C2orf69: variants seen among roughly 807,000 people sequenced by gnomAD.
C2orf69 encodes the protein mitochondrial protein C2orf69.
A neutral mutation model predicts 29.5 loss-of-function variants in C2orf69; 19 were observed. That is an observed-to-expected ratio of 0.65 (90% CI 0.45 to 0.95). C2orf69 has a LOEUF of 0.95. C2orf69 is among the 40% of genes least tolerant of loss of function. C2orf69 has a pLI of 0.00. For synonymous variants in C2orf69, 194 were observed against 180.0 expected (o/e 1.08, Z -0.62); for missense variants, 416 against 482.1 (o/e 0.86, Z 1.28).
At position 199,911,347 on chromosome 2, in the gene C2orf69, T is replaced by C; in HGVS notation, c.-92T>C. ...CCGGCCGGGCCGCGGCCGCCGACCG[T>C]TGAGCCGCCGGCTGAGCCGCCTGCT... On this transcript the variant is annotated 5_prime_UTR_variant, in exon 1 of 2. Coordinates refer to ENST00000319974, the MANE Select transcript of C2orf69 (RefSeq NM_153689.6). 7.4e-7 allele frequency: 1 copy of C among 1,347,710 alleles called. No individual in the cohort carries two copies. Among genetic ancestry groups the C allele is most frequent in the Non-Finnish European group, 9.5e-7 (1 of 1,052,054 alleles). 83.5% of individuals were successfully genotyped at this position (1,347,710 alleles called of 1,614,324 possible). A position where few individuals can be genotyped will look rare whatever the true frequency, so the allele number is the denominator to read the frequency against.
At chr2:199,913,357 AAT>A (rs1396706823) in intron 1 of C2orf69, among the ~76,000 whole-genome samples, 1 of 63,008 alleles carries the variant, frequency 1.6e-5, no homozygotes, top group East Asian at 3.6e-4. Context: ...TATTATATAT[AAT>A]ATATTCTATT....
intron 1 of C2orf69, among the ~76,000 whole-genome samples, chr2:199,917,187 G>A (rs2077296275): frequency 1.3e-5 from 2 of 152,212 alleles, no homozygotes; most frequent in Admixed American, 6.5e-5. Flanking sequence ...CAAGTTTCAA[G>A]ACTGCACAAA....
intron 1 of C2orf69, among the ~76,000 whole-genome samples, chr2:199,920,995 G>A (rs1351661910): frequency 1.6e-5 from 2 of 127,882 alleles, no homozygotes; most frequent in African/African-American, 5.8e-5. Flanking sequence ...GGCCTTCTAG[G>A]AATTAGTTTT....
chr2:199,915,189 T>G (rs2077288654), intron 1 of C2orf69, among the ~76,000 whole-genome samples: 1 of 152,260 alleles, frequency 6.6e-6, no homozygotes, highest in Non-Finnish European at 1.5e-5. Flanking sequence ...GAGCCTAATA[T>G]CTATCCTTAT....
intron 1 of C2orf69, among the ~76,000 whole-genome samples, chr2:199,922,381 G>A (rs376434859): frequency 1.4e-4 from 21 of 152,124 alleles, no homozygotes; most frequent in African/African-American, 4.3e-4. Context: ...GGCGTGAACC[G>A]CCGCCCCCAG....
intron 1 of C2orf69, among the ~76,000 whole-genome samples, chr2:199,922,031 TTATATATATA>T (rs370430093): frequency 3.8e-5 from 3 of 78,970 alleles, no homozygotes; most frequent in African/African-American, 5.3e-5. Context: ...ACTGTTATTT[TTATATATATA>T]TATATATATA....
At chr2:199,913,409 T>G (rs1432170272) in intron 1 of C2orf69, among the ~76,000 whole-genome samples, 1 of 107,356 alleles carries the variant, frequency 9.3e-6, no homozygotes, top group Non-Finnish European at 1.7e-5. Flanking sequence ...TTATATATAA[T>G]ATATATTCTA....
intron 1 of C2orf69, among the ~76,000 whole-genome samples, chr2:199,924,801 T>A (rs1559295386): frequency 6.6e-6 from 1 of 152,212 alleles, no homozygotes; most frequent in African/African-American, 2.4e-5. Context: ...ATTAAATTTT[T>A]AAAAACTTTT....
In C2orf69 at chr2:199,925,372, T is replaced by C; in HGVS notation, c.644T>C (p.Ile215Thr). The change falls in exon 2 of 2, where the codon ATA becomes ACA. Residue 215 changes from isoleucine to threonine, a missense_variant. Transcript: ENST00000319974. This position sits in a 1 kb window ranked among gnomAD's most constrained non-coding sequence, Gnocchi z 4.9. ...TTGAATGTTTGGAATAAGGACTCCA[T>C]AGCATCTAACTGTAGATCCAGTCCT... ...KSLNVWNKDS[I>T]ASNCRSSPSH... 6.2e-7 allele frequency: 1 copy of C among 1,613,664 alleles called. No homozygotes were observed. Among genetic ancestry groups the C allele is most frequent in the Non-Finnish European group, 8.5e-7 (1 of 1,179,716 alleles).
intron 1 of C2orf69, among the ~76,000 whole-genome samples, chr2:199,920,749 G>T (rs1173671459): frequency 6.6e-6 from 1 of 151,796 alleles, no homozygotes; most frequent in Non-Finnish European, 1.5e-5. Flanking sequence ...GAGGTCAGGA[G>T]ATGGAGACCA....
chr2:199,922,532 T>C (rs543897874), intron 1 of C2orf69, among the ~76,000 whole-genome samples: 1 of 152,336 alleles, frequency 6.6e-6, no homozygotes, highest in Non-Finnish European at 1.5e-5. Flanking sequence ...TATTTATTTA[T>C]GCATATATGT....
intron 1 of C2orf69, among the ~76,000 whole-genome samples, chr2:199,921,177 T>C (rs112441121): frequency 6.6e-6 from 1 of 151,548 alleles, no homozygotes; most frequent in Admixed American, 6.6e-5. Flanking sequence ...TGGCTAATTT[T>C]TGTATTTTTA....
intron 1 of C2orf69, among the ~76,000 whole-genome samples, chr2:199,918,294 G>A (rs1203103522): frequency 6.6e-6 from 1 of 152,060 alleles, no homozygotes; most frequent in Non-Finnish European, 1.5e-5. Flanking sequence ...TCCATTTTGA[G>A]TTATCTTTTT....
At position 199,911,469 on chromosome 2, in the gene C2orf69, C is replaced by T. The variant is rs575046114; in HGVS notation, c.31C>T (p.Pro11Ser). 7.1e-6 allele frequency: 11 copies of T among 1,545,324 alleles called. No individual in the cohort carries two copies. In the South Asian group the frequency reaches 1.2e-4, roughly 17 times the overall value. The change falls in exon 1 of 2, where the codon CCG (proline) becomes TCG (serine). Residue 11 changes from proline to serine, a missense_variant. Around this residue, in one of 4 missense-constraint regions of C2orf69, gnomAD observed 175 missense variants for 139.9 expected, o/e 1.25. Coordinates refer to ENST00000319974, the MANE Select transcript of C2orf69 (RefSeq NM_153689.6). ...GGGGTTCAGGCTCCTGCGGTCGCCG[C>T]CGTTGCTGCTCCTGCTGCCGCAGCT... MWGFRLLRSP[P>S]LLLLLPQLGI...
chr2:199,913,803 A>G (rs1360656282), intron 1 of C2orf69, among the ~76,000 whole-genome samples: 1 of 151,972 alleles, frequency 6.6e-6, no homozygotes, highest in East Asian at 1.9e-4. Flanking sequence ...ATGCATTCCT[A>G]AAATAATGAT....
At position 199,927,136 on chromosome 2, in the gene C2orf69, G is replaced by A. The variant is rs1318865433; in HGVS notation, c.*1250G>A. On this transcript the variant is annotated 3_prime_UTR_variant, in exon 2 of 2. Transcript: ENST00000319974. Reference sequence around the variant, plus strand: ...ATTTGGGTGAAGTTTCCTTCTGCCCGTTTTTCTTGACCTAGATAAATACAC... The same window carrying A: ...ATTTGGGTGAAGTTTCCTTCTGCCCATTTTTCTTGACCTAGATAAATACAC... 7.2e-5 allele frequency: 11 copies of A among 152,016 alleles called. No homozygotes were observed. The highest frequency in any genetic ancestry group is 1.2e-4 in the African/African-American group (5 of 41,404). The allele number at this position is 152,016 out of a possible 1,614,324, so 9.4% of individuals were successfully genotyped here. A position where few individuals can be genotyped will look rare whatever the true frequency, so the allele number is the denominator to read the frequency against.
chr2:199,921,726 C>G (rs1387230482), intron 1 of C2orf69, among the ~76,000 whole-genome samples: 1 of 151,494 alleles, frequency 6.6e-6, no homozygotes, highest in Non-Finnish European at 1.5e-5. Context: ...AAGCTTATTG[C>G]TTGTTGGGGG....
chr2:199,922,498 A>G (rs1365520448), intron 1 of C2orf69, among the ~76,000 whole-genome samples: 1 of 152,152 alleles, frequency 6.6e-6, no homozygotes, highest in East Asian at 1.9e-4. Context: ...ATTCTTTTGA[A>G]GCAGAAATAA....
intron 1 of C2orf69, among the ~76,000 whole-genome samples, chr2:199,920,727 C>T (rs953150059): frequency 2.6e-5 from 4 of 151,736 alleles, no homozygotes; most frequent in African/African-American, 7.3e-5. Flanking sequence ...GAGACCGAAG[C>T]GGGTGGATCA....
Sources: allele counts gnomAD v4.1 joint callset (sites outside exome capture counted in the v4.1 genomes callset), GRCh38; gene constraint gnomAD v4.1.1; regional missense constraint gnomAD v4.1.1; non-coding constraint Gnocchi (gnomAD v3.1); transcripts MANE v1.5; gene names NCBI Gene and HGNC (gene_info 2026-07-23, HGNC 2026-07-21).